ADGRG1: variants seen among roughly 807,000 people sequenced by gnomAD.
ADGRG1 encodes adhesion G protein-coupled receptor G1.
A neutral mutation model predicts 73.5 loss-of-function variants in ADGRG1; 53 were observed. The ratio of observed to expected loss-of-function variants is 0.72; its 90% CI spans 0.58 to 0.91. The LOEUF (loss-of-function observed/expected upper bound fraction) is 0.91, where lower values mean the gene tolerates loss of function less well. ADGRG1 is among the 40% of genes least tolerant of loss of function. The probability of loss-of-function intolerance (pLI) is 0.00; values close to 1 mark genes in which losing one functional copy is unlikely to be tolerated. For missense variants in ADGRG1, 795 were observed against 871.8 expected (o/e 0.91, Z 1.11); for synonymous variants, 394 against 374.4 (o/e 1.05, Z -0.60).
At chr16:57,621,892 C>T in intron 2 of ADGRG1, 1 of 984,016 alleles carries the variant, frequency 1.0e-6, no homozygotes, top group South Asian at 4.7e-5. Context: ...ACCCCTAGTT[C>T]AGGAAGGGAG....
intron 3 of ADGRG1, among the ~76,000 whole-genome samples, chr16:57,652,316 T>C (rs1265410359): frequency 6.6e-6 from 1 of 151,636 alleles, no homozygotes; most frequent in African/African-American, 2.4e-5. Context: ...GAAGGTTTAC[T>C]GGGGGGTTTT....
intron 1 of ADGRG1, among the ~76,000 whole-genome samples, chr16:57,632,523 T>C (rs1489601474): frequency 2.0e-5 from 3 of 152,198 alleles, no homozygotes; most frequent in African/African-American, 4.8e-5. Context: ...ATTGGACAGA[T>C]GGCTGTATTG....
chr16:57,637,476 C>A (rs1182406624), intron 1 of ADGRG1: 1 of 985,338 alleles, frequency 1.0e-6, no homozygotes, highest in Non-Finnish European at 1.2e-6. Context: ...CCCCCCAGGT[C>A]CCCTGAACCA....
In ADGRG1 at chr16:57,656,555, G is replaced by T. The variant is rs541949258; in HGVS notation, c.1105G>T (p.Val369Phe). The T allele has an allele frequency of 6.2e-7, 1 of 1,613,906 alleles. No homozygotes were observed. The highest frequency in any genetic ancestry group is 1.1e-5 in the South Asian group (1 of 91,068). ...GHWSSAGCET[V>F]RRETQTSCFC... is the part of the protein sequence containing the mutation. ...TTGGAGCAGTGCTGGGTGTGAGACC[G>T]TCAGGAGAGAAACCCAAACATCCTG... Residue 369 changes from valine (V) to phenylalanine (F), a missense_variant, in exon 9 of 14, where the codon GTC becomes TTC. Physicochemically the swap from Val to Phe is conservative, Grantham distance 50. Transcript: ENST00000562631.
chr16:57,623,971 G>A (rs1596935903), upstream of ADGRG1: 1 of 328,266 alleles, frequency 3.0e-6, no homozygotes, highest in East Asian at 1.7e-4. Flanking sequence ...CTGTTAAATG[G>A]GAACAATCAT....
chr16:57,646,379 T>C (rs1287840774), intron 1 of ADGRG1: 1 of 982,480 alleles, frequency 1.0e-6, no homozygotes, highest in African/African-American at 1.7e-5. Context: ...GGTGGGGGTC[T>C]CAGCTCAGAC....
chr16:57,635,159 C>G (rs1294710094), intron 1 of ADGRG1: 1 of 985,206 alleles, frequency 1.0e-6, no homozygotes, highest in Non-Finnish European at 1.2e-6. Context: ...AGGCTTGAAC[C>G]TGAATAGGGG....
In ADGRG1 at chr16:57,663,981, G is replaced by A. The variant is rs1328103710; in HGVS notation, c.*399G>A. 1 of 280,460 alleles carries A rather than the reference G, an allele frequency of 3.6e-6. No individual in the cohort carries two copies. Among genetic ancestry groups the A allele is most frequent in the African/African-American group, 2.2e-5 (1 of 45,316 alleles). 17.4% of individuals were successfully genotyped at this position (280,460 alleles called of 1,614,324 possible). A position where few individuals can be genotyped will look rare whatever the true frequency, so the allele number is the denominator to read the frequency against. ...GTGCCCCTGCCTGGGACAGAAATGT[G>A]GCTCCAGTTGCTCTGTCTCTCGTGG... On this transcript the variant is annotated 3_prime_UTR_variant, in exon 14 of 14. Transcript: ENST00000562631.
chr16:57,647,034 C>T (rs2042823229), intron 1 of ADGRG1: 11 of 889,472 alleles, frequency 1.2e-5, no homozygotes, highest in Middle Eastern at 6.2e-4. Flanking sequence ...GGGGTCTGTG[C>T]GGAGACTCAT....
intron 1 of ADGRG1, chr16:57,629,053 T>C (rs2036947389): frequency 1.9e-6 from 1 of 515,808 alleles, no homozygotes; most frequent in Non-Finnish European, 2.5e-6. Flanking sequence ...TGAGTGTGTG[T>C]GAGTATGAGT....
At chr16:57,646,358 GCTGGT>G in intron 1 of ADGRG1, 1 of 982,402 alleles carries the variant, frequency 1.0e-6, no homozygotes, top group Non-Finnish European at 1.2e-6. Context: ...CGGGGGATGG[GCTGGT>G]GGTGGGGTGG....
At chr16:57,626,020 G>T (rs997562580), upstream of ADGRG1, among the ~76,000 whole-genome samples, 4 of 152,322 alleles carry the variant, frequency 2.6e-5, no homozygotes, top group East Asian at 3.9e-4. Flanking sequence ...GGCGTGGGTA[G>T]CCCTCCCTGT....
intron 1 of ADGRG1, among the ~76,000 whole-genome samples, chr16:57,637,005 G>A (rs1401952696): frequency 6.6e-6 from 1 of 152,224 alleles, no homozygotes; most frequent in African/African-American, 2.4e-5. Flanking sequence ...GTCAGGGAAA[G>A]GGTCCTGGAA....
chr16:57,634,365 G>T (rs572834793), intron 1 of ADGRG1: 3 of 985,404 alleles, frequency 3.0e-6, no homozygotes, highest in East Asian at 1.1e-4. Context: ...GCTCAGCCCT[G>T]TGCCCTCTGC....
chr16:57,630,854 A>T, intron 1 of ADGRG1: 1 of 701,292 alleles, frequency 1.4e-6, no homozygotes, highest in Non-Finnish European at 1.8e-6. Flanking sequence ...ACTACTTAGG[A>T]AAACATTTGG....
chr16:57,633,376 T>C (rs1186351281), intron 1 of ADGRG1: 1 of 985,298 alleles, frequency 1.0e-6, no homozygotes, highest in African/African-American at 1.7e-5. Context: ...TTACTTGGGC[T>C]GTGAAAGTCT....
At position 57,663,594 on chromosome 16, in the gene ADGRG1, A is replaced by G; in HGVS notation, c.*12A>G. 6.2e-7 allele frequency: 1 copy of G among 1,611,814 alleles called. No individual in the cohort carries two copies. The highest frequency in any genetic ancestry group is 1.7e-5 in the Admixed American group (1 of 60,012). ...CCAGCCGCATCTAGGCCTCCAGCCCACCTGCCCATGTGATGAAGCAGAGAT... is the reference window on the plus strand; with the variant it reads ...CCAGCCGCATCTAGGCCTCCAGCCCGCCTGCCCATGTGATGAAGCAGAGAT... On this transcript the variant is annotated 3_prime_UTR_variant, in exon 14 of 14. Coordinates refer to ENST00000562631, the MANE Select transcript of ADGRG1 (RefSeq NM_201525.4).
At chr16:57,641,139 T>G in intron 1 of ADGRG1, 1 of 829,230 alleles carries the variant, frequency 1.2e-6, no homozygotes, top group Non-Finnish European at 1.5e-6. Context: ...GAGAAGGCAG[T>G]CAGGGGACAA....
chr16:57,629,715 C>A (rs762831130), intron 1 of ADGRG1, among the ~76,000 whole-genome samples: 1 of 152,172 alleles, frequency 6.6e-6, no homozygotes, highest in Non-Finnish European at 1.5e-5. Context: ...GCGCAGGCTG[C>A]GGGCTGAACA....
Sources: gnomAD v4.1 joint callset for allele counts (sites outside exome capture counted in the v4.1 genomes callset) on GRCh38, gnomAD v4.1.1 for gene constraint, MANE v1.5 for transcripts, NCBI Gene and HGNC (gene_info 2026-07-23, HGNC 2026-07-21) for gene names.